The following ZNF202 variants were observed in gnomAD, a reference collection of about 807,000 sequenced individuals.
The protein encoded by ZNF202 is zinc finger protein with KRAB and SCAN domains 10.
ZNF202 carries 22 observed loss-of-function variants against 54.5 expected under a neutral mutation model. The ratio of observed to expected loss-of-function variants is 0.40; its 90% confidence interval spans 0.29 to 0.58. The LOEUF (loss-of-function observed/expected upper bound fraction) is 0.58. ZNF202 is among the 20% of genes least tolerant of loss of function. The probability of loss-of-function intolerance (pLI) is 0.39; values close to 1 mark genes in which losing one functional copy is unlikely to be tolerated. For missense variants in ZNF202, 644 were observed against 805.5 expected (o/e 0.80, Z 2.43); for synonymous variants, 294 against 301.4 (o/e 0.98, Z 0.26).
chr11:123,729,593 C>A (rs759497179), intron 5 of ZNF202, 22 bp downstream of exon 5: 7 of 1,523,464 alleles, frequency 4.6e-6, no homozygotes, highest in African/African-American at 1.4e-5. Context: ...CACAATCCCC[C>A]CTTTCTGCTG....
Position 123,730,566 on chromosome 11 carries a change from C to T in ZNF202, c.323G>A (p.Gly108Asp), listed in dbSNP as rs750505465. ...LPGELQSWVR[G>D]QRPESGEEAV... ...CTCCTCGCCACTTTCTGGCCGTTGG[C>T]CCCGCACCCAGCTCTGTAGTTCTCC... is the stretch of plus-strand genomic sequence containing the variant. Residue 108 changes from glycine to aspartate, a missense_variant, in exon 4 of 9, where the codon GGC becomes GAC. By Grantham distance (94) the Gly-to-Asp change is moderately conservative. Around this residue, in one of 3 missense-constraint regions of ZNF202, gnomAD observed 62 missense variants for 122.8 expected, o/e 0.50. Transcript: ENST00000530393. This position sits in a 1 kb window ranked among gnomAD's most constrained non-coding sequence, Gnocchi z 6.0. 5.6e-6 allele frequency: 9 copies of T among 1,596,810 alleles called. 1 individual carries two copies. In the South Asian group the frequency reaches 1.0e-4, roughly 18 times the overall value.
chr11:123,724,287 C>A lies in ZNF202; in HGVS notation c.*1710G>T, dbSNP rs1236633584. The A allele has an allele frequency of 6.6e-6, 1 of 152,220 alleles. No homozygotes were observed. Among genetic ancestry groups the A allele is most frequent in the Non-Finnish European group, 1.5e-5 (1 of 68,038 alleles). The allele number at this position is 152,220 out of a possible 1,614,324, so 9.4% of individuals were successfully genotyped here. Reference sequence around the variant, plus strand: ...AACCACCCTCAGAAGTATCAGGACACTGAAGCCCTGGAAAAGGAATGGGTA... The same window carrying A: ...AACCACCCTCAGAAGTATCAGGACAATGAAGCCCTGGAAAAGGAATGGGTA... On this transcript the variant is annotated 3_prime_UTR_variant, in exon 9 of 9. Transcript: ENST00000530393.
chr11:123,734,871 G>GA (rs1368420045), intron 3 of ZNF202, among the ~76,000 whole-genome samples: 3 of 152,016 alleles, frequency 2.0e-5, no homozygotes, highest in East Asian at 1.9e-4. Flanking sequence ...CATACATAGG[G>GA]AAAAAAACAT....
At chr11:123,735,398 G>T (rs979970442) in intron 3 of ZNF202, among the ~76,000 whole-genome samples, 2 of 152,152 alleles carry the variant, frequency 1.3e-5, no homozygotes, top group Admixed American at 6.5e-5. Flanking sequence ...CACCAAACTT[G>T]CCATTTAAAA....
intron 2 of ZNF202, 34 bp from the exon 3 acceptor site, chr11:123,740,226 G>A (rs1296345708): frequency 6.6e-6 from 1 of 152,232 alleles, no homozygotes; most frequent in African/African-American, 2.4e-5. Flanking sequence ...GTACAAAAAG[G>A]GTATAGCTGG....
intron 3 of ZNF202, among the ~76,000 whole-genome samples, chr11:123,737,495 G>C (rs771890044): frequency 1.3e-5 from 2 of 152,064 alleles, no homozygotes; most frequent in Non-Finnish European, 2.9e-5. Context: ...ATAGAGAAAG[G>C]GAAGACAGGA....
chr11:123,725,953 C>T lies in ZNF202; in HGVS notation c.*44G>A. 1 of 1,566,470 alleles carries T rather than the reference C, an allele frequency of 6.4e-7. No homozygotes were observed. The highest frequency in any genetic ancestry group is 8.6e-7 in the Non-Finnish European group (1 of 1,156,592). On this transcript the variant is annotated 3_prime_UTR_variant, in exon 9 of 9. Coordinates refer to ENST00000530393, the MANE Select transcript of ZNF202 (RefSeq NM_003455.4). ...AGGGCTTTTCCTCTTCCTCACCTCC[C>T]TTAGGTGAGGGCTGAAAGCAGATCT... is the stretch of plus-strand genomic sequence containing the variant.
At chr11:123,729,550 C>T in intron 5 of ZNF202, 65 bp downstream of exon 5, 5 of 303,800 alleles carry the variant, frequency 1.6e-5, no homozygotes, top group Middle Eastern at 2.4e-3. Flanking sequence ...GAGAAATGTC[C>T]GAGAAATGTC....
rs768482797 is a variant in ZNF202, at chr11:123,726,243, G to A, written c.1701C>T (p.Cys567=). ...KTHAAEELYL[C]SECGRCFTHS... ...GGGTGAAGCAGCGCCCGCACTCGCT[G>A]CAGAGGTAGAGTTCCTCAGCAGCGT... Residue 567 remains cysteine (C), a synonymous_variant, in exon 9 of 9, where the codon TGC becomes TGT. Coordinates refer to ENST00000530393, the MANE Select transcript of ZNF202 (RefSeq NM_003455.4). This position sits in a 1 kb window ranked among gnomAD's most constrained non-coding sequence, Gnocchi z 6.0. 6.2e-7 allele frequency: 1 copy of A among 1,614,234 alleles called. No homozygotes were observed. The highest frequency in any genetic ancestry group is 2.2e-5 in the East Asian group (1 of 44,876).
rs777476700 is a variant in ZNF202 at position 123,730,792 on chromosome 11, A to T, written c.97T>A (p.Ser33Thr). The T allele has an allele frequency of 6.2e-6, 10 of 1,613,768 alleles. No homozygotes were observed. The African/African-American group carries it at 6.7e-5, about 11-fold the overall frequency. Residue 33 changes from serine (S) to threonine (T), a missense_variant, in exon 4 of 9, where the codon TCT (serine) becomes ACT (threonine). Ser to Thr is a moderately conservative substitution (Grantham distance 58). Coordinates refer to ENST00000530393, the MANE Select transcript of ZNF202 (RefSeq NM_003455.4). The surrounding 1 kb of genome is among the most constrained non-coding windows in gnomAD (Gnocchi z 6.0). ...ACCGGGTCATCCCTCTGTAAGACAG[A>T]CTCTGGCCGACAGGTGAAATCATCT... ...LEDDFTCRPE[S>T]VLQRDDPVLE... is the part of the protein sequence containing the mutation.
chr11:123,727,857 TCTTA>T (rs1489729086), intron 7 of ZNF202, among the ~76,000 whole-genome samples: 2 of 152,344 alleles, frequency 1.3e-5, no homozygotes, highest in African/African-American at 2.4e-5. Flanking sequence ...TATCTCCAAC[TCTTA>T]CTGTTTTAAA....
chr11:123,729,780 C>A lies in ZNF202; in HGVS notation c.448G>T (p.Val150Leu), dbSNP rs1466085816. ...HGQEVLSEET[V>L]HLGVEPESPN... ...GACTCAGGCTCCACTCCTAAATGCA[C>A]CGTCTCCTCTGACAGGACTTCCTGG... Residue 150 changes from valine (V) to leucine (L), a missense_variant, in exon 5 of 9, where the codon GTG becomes TTG. Val to Leu is a conservative substitution (Grantham distance 32). Coordinates refer to ENST00000530393, the MANE Select transcript of ZNF202 (RefSeq NM_003455.4). The A allele has an allele frequency of 1.2e-6, 2 of 1,613,676 alleles. No individual in the cohort carries two copies. Among genetic ancestry groups the A allele is most frequent in the Non-Finnish European group, 8.5e-7 (1 of 1,179,802 alleles).
chr11:123,729,791 G>A lies in ZNF202; in HGVS notation c.437C>T (p.Ser146Leu). 1 of 1,612,746 alleles carries A rather than the reference G, an allele frequency of 6.2e-7. No individual in the cohort carries two copies. Residue 146 changes from serine to leucine, a missense_variant, in exon 5 of 9, where the codon TCA (serine) becomes TTA (leucine). Ser to Leu is a moderately radical substitution (Grantham distance 145, BLOSUM62 -2). Around this residue, in one of 3 missense-constraint regions of ZNF202, gnomAD observed 536 missense variants for 635.3 expected, o/e 0.84. Transcript: ENST00000530393. ...TVHVHGQEVL[S>L]EETVHLGVEP... The stretch of plus-strand genomic sequence containing the variant: ...CACTCCTAAATGCACCGTCTCCTCT[G>A]ACAGGACTTCCTGGCCGTGAACATG...
In ZNF202 at chr11:123,729,660, G is replaced by C. The variant is rs770012752; in HGVS notation, c.568C>G (p.Gln190Glu). The change falls in exon 5 of 9, where the codon CAG becomes GAG. Residue 190 changes from glutamine to glutamate, a missense_variant. By Grantham distance (29) the Gln-to-Glu change is conservative. Transcript: ENST00000530393. Reference protein sequence around the residue: ...QSPDLGAPAEQRPHQEEELQT... With the variant: ...QSPDLGAPAEERPHQEEELQT... Reference sequence around the variant, plus strand: ...AGCTCCTCTTCCTGGTGTGGACGCTGCTCTGCCGGTGCCCCCAGATCTGGG... The same window carrying C: ...AGCTCCTCTTCCTGGTGTGGACGCTCCTCTGCCGGTGCCCCCAGATCTGGG... 3.7e-6 allele frequency: 6 copies of C among 1,610,768 alleles called. No homozygotes were observed. The South Asian group carries it at 6.6e-5, about 18-fold the overall frequency.
chr11:123,738,368 G>A (rs10466599), intron 3 of ZNF202, among the ~76,000 whole-genome samples: 103,536 of 152,058 alleles, frequency 0.68, 35,465 homozygotes, highest in Middle Eastern at 0.82. Context: ...GGTCATGTTG[G>A]TTAACCTCCA....
chr11:123,734,927 C>A lies in ZNF202; in HGVS notation c.-97-3942G>T, dbSNP rs190224877. 2.0e-4 allele frequency among the ~76,000 whole-genome samples: 31 copies of A among 151,812 alleles called. No homozygotes were observed. The East Asian group carries it at 5.8e-3, about 28-fold the overall frequency. ...AAAACAGAATTCTCTTAGTGGTTCCCAAGATGATGGAACCACAACTCATCA... is the reference window on the plus strand; with the variant it reads ...AAAACAGAATTCTCTTAGTGGTTCCAAAGATGATGGAACCACAACTCATCA... On this transcript the variant is annotated intron_variant, in intron 3 of 8. Coordinates refer to ENST00000530393, the MANE Select transcript of ZNF202 (RefSeq NM_003455.4).
At chr11:123,738,522 C>G (rs1347485288) in intron 3 of ZNF202, 1 of 145,800 alleles carries the variant, frequency 6.9e-6, no homozygotes, top group African/African-American at 2.6e-5. Flanking sequence ...GACATCAAAC[C>G]TGACACCCAT....
Position 123,724,311 on chromosome 11 carries a change from T to G in ZNF202, c.*1686A>C, listed in dbSNP as rs1025775451. On this transcript the variant is annotated 3_prime_UTR_variant, in exon 9 of 9. Transcript: ENST00000530393. The stretch of plus-strand genomic sequence containing the variant: ...ACTGAAGCCCTGGAAAAGGAATGGG[T>G]AAGATGGGAAGTCCCAGAAACCAGG... 2 of 152,098 alleles carry G rather than the reference T, an allele frequency of 1.3e-5. No individual in the cohort carries two copies. Among genetic ancestry groups the G allele is most frequent in the African/African-American group, 4.8e-5 (2 of 41,398 alleles). 9.4% of individuals were successfully genotyped at this position (152,098 alleles called of 1,614,324 possible).
chr11:123,730,856 A>T lies in ZNF202; in HGVS notation c.33T>A (p.Asp11Glu). MATAVEPEDQ[D>E]LWEEEGILMV... is the part of the protein sequence containing the mutation. ...TCAGAATTCCCTCTTCTTCCCAAAG[A>T]TCCTGGTCCTCTGGTTCCACGGCTG... Residue 11 changes from aspartate (D) to glutamate (E), a missense_variant, in exon 4 of 9, where the codon GAT (aspartate) becomes GAA (glutamate). Asp to Glu is a conservative substitution (Grantham distance 45). Around this residue, in one of 3 missense-constraint regions of ZNF202, gnomAD observed 46 missense variants for 47.4 expected, o/e 0.97. Coordinates refer to ENST00000530393, the MANE Select transcript of ZNF202 (RefSeq NM_003455.4). This position sits in a 1 kb window ranked among gnomAD's most constrained non-coding sequence, Gnocchi z 6.0. 6.2e-7 allele frequency: 1 copy of T among 1,613,952 alleles called. No homozygotes were observed. The highest frequency in any genetic ancestry group is 1.1e-5 in the South Asian group (1 of 91,070).
Sources: gnomAD v4.1 joint callset for allele counts (sites outside exome capture counted in the v4.1 genomes callset) on GRCh38, gnomAD v4.1.1 for gene constraint, gnomAD v4.1.1 regional missense constraint, Gnocchi (gnomAD v3.1) non-coding constraint, MANE v1.5 for transcripts, NCBI Gene and HGNC (gene_info 2026-07-23, HGNC 2026-07-21) for gene names.